The following COBL variants were observed in gnomAD, a reference collection of about 807,000 sequenced individuals.
The protein encoded by COBL is cordon-bleu WH2 repeat protein.
A neutral mutation model predicts 98.8 loss-of-function variants in COBL; 51 were observed. That is an observed-to-expected ratio of 0.52 (90% CI 0.41 to 0.65). COBL has a LOEUF of 0.65. Among genes scored for constraint, COBL ranks in the 30% least tolerant of loss-of-function variants. COBL has a pLI of 0.00. For synonymous variants in COBL, 634 were observed against 651.7 expected, an observed-to-expected ratio of 0.97 and a Z score of 0.41; for missense variants, 1,617 against 1,617.5, an observed-to-expected ratio of 1.00 and a Z score of 0.01.
rs369819732 is a variant in COBL, at chr7:51,288,359, G to A, written c.41+28234C>T. 2.6e-4 allele frequency among the ~76,000 whole-genome samples: 39 copies of A among 151,194 alleles called. No individual in the cohort carries two copies. In the South Asian group the frequency reaches 4.2e-3, roughly 16 times the overall value. ...TGAAACAAGAGAATTGCTTGAACCC[G>A]GGAGGCAGAGGTTGCAGTGAGCTGA... On this transcript the variant is annotated intron_variant, in intron 1 of 12. Transcript: ENST00000265136.
rs367605249 is a variant in COBL at position 51,154,244 on chromosome 7, C to A, written c.784-17913G>T. On this transcript the variant is annotated intron_variant, in intron 5 of 12. Coordinates refer to ENST00000265136, the MANE Select transcript of COBL (RefSeq NM_015198.5). The stretch of plus-strand genomic sequence containing the variant: ...ACATAGAAGGAAGCCAGAGGAAAAA[C>A]CATGAGGGTGGTTTTAAGCTACAGC... Among the ~76,000 whole-genome samples, 160 of 152,314 alleles carry A rather than the reference C, an allele frequency of 1.1e-3. 3 individuals are homozygous for A. In the South Asian group the frequency reaches 0.028, roughly 27 times the overall value.
At chr7:51,260,196 C>T (rs984157575) in intron 1 of COBL, 11 of 739,866 alleles carry the variant, frequency 1.5e-5, no homozygotes, top group Admixed American at 2.3e-5. Context: ...ACTGATCATG[C>T]GTAACTCTAC....
At chr7:51,056,656 A>T (rs368798259) in intron 7 of COBL, among the ~76,000 whole-genome samples, 20 of 152,340 alleles carry the variant, frequency 1.3e-4, no homozygotes, top group African/African-American at 4.6e-4. Flanking sequence ...AATAAAACAT[A>T]TCTTTTAATA....
At chr7:51,210,817 G>A (rs1046787666) in intron 2 of COBL, among the ~76,000 whole-genome samples, 5 of 152,126 alleles carry the variant, frequency 3.3e-5, no homozygotes, top group African/African-American at 9.7e-5. Context: ...TTTGCACCAC[G>A]CCCTTTAAGT....
chr7:51,063,388 G>T (rs1415173993), intron 7 of COBL, among the ~76,000 whole-genome samples: 1 of 152,200 alleles, frequency 6.6e-6, no homozygotes, highest in African/African-American at 2.4e-5. Flanking sequence ...GCCTGCCTCG[G>T]CCTCCCAAAG....
At chr7:51,157,064 T>G (rs1786223062) in intron 5 of COBL, among the ~76,000 whole-genome samples, 1 of 152,088 alleles carries the variant, frequency 6.6e-6, no homozygotes, top group Admixed American at 6.5e-5. Flanking sequence ...ATACCTCAAA[T>G]CAGAGTTTTA....
intron 9 of COBL, among the ~76,000 whole-genome samples, 175 bp downstream of exon 9, chr7:51,030,637 A>G (rs1452667706): frequency 6.6e-6 from 1 of 152,252 alleles, no homozygotes; most frequent in Non-Finnish European, 1.5e-5. Flanking sequence ...GATAAAAAGC[A>G]GTCTACCGGA....
intron 4 of COBL, among the ~76,000 whole-genome samples, chr7:51,189,683 A>G (rs1334172598): frequency 1.5e-5 from 2 of 132,138 alleles, no homozygotes; most frequent in African/African-American, 5.6e-5. Flanking sequence ...AAAAAATTAG[A>G]AAAAAAAGTC....
intron 9 of COBL, among the ~76,000 whole-genome samples, 153 bp downstream of exon 9, chr7:51,030,659 G>A (rs537705124): frequency 3.3e-5 from 5 of 152,266 alleles, no homozygotes; most frequent in East Asian, 3.9e-4. Flanking sequence ...ACCTGTGTGC[G>A]CCTCACATCC....
intron 5 of COBL, among the ~76,000 whole-genome samples, chr7:51,163,194 C>T (rs1443232240): frequency 6.6e-6 from 1 of 152,208 alleles, no homozygotes; most frequent in African/African-American, 2.4e-5. Context: ...ATTAAGCAAG[C>T]ACTGGCATCA....
intron 4 of COBL, among the ~76,000 whole-genome samples, chr7:51,188,300 C>T (rs562549024): frequency 2.6e-4 from 39 of 152,342 alleles, no homozygotes; most frequent in Middle Eastern, 3.4e-3. Context: ...CAGGAGTGGA[C>T]GTCTGTCCCC....
chr7:51,218,454 CATAAGA>C (rs1227936938), intron 2 of COBL, among the ~76,000 whole-genome samples: 2 of 152,188 alleles, frequency 1.3e-5, no homozygotes, highest in East Asian at 1.9e-4. Flanking sequence ...CAAACTGCTT[CATAAGA>C]ATAAAACATT....
rs149116695 is a variant in COBL, at chr7:51,245,686, G to A, written c.42-25742C>T. ...TAGGGAGTCTATAACATAAATGATA[G>A]TACAGTGTATGGTCTCAGATCTCAG... On this transcript the variant is annotated intron_variant, in intron 1 of 12. Coordinates refer to ENST00000265136, the MANE Select transcript of COBL (RefSeq NM_015198.5). Among the ~76,000 whole-genome samples the A allele has an allele frequency of 1.6e-4, 25 of 152,328 alleles. No individual in the cohort carries two copies. The East Asian group carries it at 4.8e-3, about 29-fold the overall frequency.
chr7:51,047,881 TG>T (rs111462770), intron 7 of COBL, among the ~76,000 whole-genome samples: 47,000 of 151,846 alleles, frequency 0.31, 7,945 homozygotes, highest in East Asian at 0.45. Context: ...AATAATTTTG[TG>T]GGGGCCAGGT....
chr7:51,187,388 A>G (rs1176304140), intron 4 of COBL, among the ~76,000 whole-genome samples: 1 of 151,962 alleles, frequency 6.6e-6, no homozygotes, highest in Admixed American at 6.6e-5. Flanking sequence ...ATACATATAA[A>G]CATCTCTTTC....
At chr7:51,017,591 G>A in intron 12 of COBL, 23 bp from the exon 13 acceptor site, 1 of 1,613,622 alleles carries the variant, frequency 6.2e-7, no homozygotes, top group Non-Finnish European at 8.5e-7. Context: ...GAGATTCACA[G>A]TTATTTGGTA....
intron 7 of COBL, among the ~76,000 whole-genome samples, chr7:51,059,067 A>G (rs1300137398): frequency 6.6e-6 from 1 of 152,240 alleles, no homozygotes; most frequent in Non-Finnish European, 1.5e-5. Flanking sequence ...GATGGGGGCC[A>G]GTCCAGGGCT....
In COBL at chr7:51,239,177, C is replaced by A. The variant is rs143755910; in HGVS notation, c.42-19233G>T. On this transcript the variant is annotated intron_variant, in intron 1 of 12. Coordinates refer to ENST00000265136, the MANE Select transcript of COBL (RefSeq NM_015198.5). ...AGAGCGATTCCATCTCGAATAGGGG[C>A]TGGGTAAAATTAGGCTGAGACCTGC... Among the ~76,000 whole-genome samples the A allele has an allele frequency of 3.7e-3, 560 of 152,160 alleles. 1 individual carries two copies. Among genetic ancestry groups the A allele is most frequent in the African/African-American group, 0.013 (542 of 41,502 alleles).
chr7:51,179,856 C>T (rs1788768745), intron 5 of COBL, among the ~76,000 whole-genome samples: 1 of 152,160 alleles, frequency 6.6e-6, no homozygotes, highest in South Asian at 2.1e-4. Flanking sequence ...AAGCTAAGTA[C>T]ATGGCACTGA....
Sources: allele counts gnomAD v4.1 joint callset (sites outside exome capture counted in the v4.1 genomes callset), GRCh38; gene constraint gnomAD v4.1.1; transcripts MANE v1.5; gene names NCBI Gene and HGNC (gene_info 2026-07-23, HGNC 2026-07-21).